Variants in CBLB observed in about 807,000 individuals in gnomAD.
The protein encoded by CBLB is E3 ubiquitin-protein ligase CBL-B.
CBLB carries 31 observed loss-of-function variants against 104.9 expected under a neutral mutation model. The ratio of observed to expected loss-of-function variants is 0.30; its 90% CI spans 0.22 to 0.40. The LOEUF (loss-of-function observed/expected upper bound fraction) is 0.40, where lower values mean the gene tolerates loss of function less well. Ranked by LOEUF, CBLB falls within the 10% of genes least tolerant of loss-of-function variation. The pLI is 1.00. For missense variants in CBLB, 1,062 were observed against 1,214.6 expected, an observed-to-expected ratio of 0.87 and a Z score of 1.87; for synonymous variants, 440 against 422.6, an observed-to-expected ratio of 1.04 and a Z score of -0.51.
intron 3 of CBLB, among the ~76,000 whole-genome samples, chr3:105,788,123 A>G (rs1256853943): frequency 6.6e-6 from 1 of 152,112 alleles, no homozygotes; most frequent in Non-Finnish European, 1.5e-5. Flanking sequence ...CTTTCATATC[A>G]CCCAACAACT....
rs751746381 is a variant in CBLB, at chr3:105,693,549, C to T, written c.1999G>A (p.Val667Ile). The T allele has an allele frequency of 1.2e-6, 2 of 1,612,572 alleles. No homozygotes were observed. The highest frequency in any genetic ancestry group is 1.7e-6 in the Non-Finnish European group (2 of 1,178,850). The change falls in exon 13 of 19, where the codon GTT becomes ATT. Residue 667 changes from valine (V) to isoleucine (I), a missense_variant. Physicochemically the swap from Val to Ile is conservative, Grantham distance 29 (BLOSUM62 3). Around this residue, in one of 2 missense-constraint regions of CBLB, gnomAD observed 605 missense variants for 582.6 expected, o/e 1.04. Coordinates refer to ENST00000394030, the MANE Select transcript of CBLB (RefSeq NM_170662.5). ...GGAGGAGGAGAAAGCCGGGGAGGAACATCATATTCTTCACTTCCAAGGTGA... is the reference window on the plus strand; with the variant it reads ...GGAGGAGGAGAAAGCCGGGGAGGAATATCATATTCTTCACTTCCAAGGTGA... ...NGHLGSEEYDVPPRLSPPPPV... is the reference protein window; with the variant it reads ...NGHLGSEEYDIPPRLSPPPPV...
At chr3:105,688,069 T>C (rs1457739162) in intron 13 of CBLB, among the ~76,000 whole-genome samples, 2 of 152,066 alleles carry the variant, frequency 1.3e-5, no homozygotes, top group African/African-American at 2.4e-5. Flanking sequence ...TATGTGACAT[T>C]TGGCAGTAGA....
intron 3 of CBLB, among the ~76,000 whole-genome samples, chr3:105,808,482 G>C (rs1468251699): frequency 6.6e-6 from 1 of 152,108 alleles, no homozygotes; most frequent in Non-Finnish European, 1.5e-5. Flanking sequence ...CTTTATGCCA[G>C]TTTCATGCTG....
chr3:105,760,833 AAAC>A (rs2077550193), intron 4 of CBLB, among the ~76,000 whole-genome samples: 1 of 152,244 alleles, frequency 6.6e-6, no homozygotes. Context: ...CCTTTTAATA[AAAC>A]TACTGATATT....
At chr3:105,730,555 A>G (rs956908364) in intron 9 of CBLB, among the ~76,000 whole-genome samples, 5 of 152,106 alleles carry the variant, frequency 3.3e-5, no homozygotes, top group Admixed American at 2.6e-4. Context: ...AAAATAGGTA[A>G]AGTAATCCAC....
At chr3:105,855,823 C>T (rs2091532144) in intron 2 of CBLB, among the ~76,000 whole-genome samples, 1 of 152,156 alleles carries the variant, frequency 6.6e-6, no homozygotes, top group South Asian at 2.1e-4. Context: ...AAAAAAAATT[C>T]ACTTTCATAA....
At chr3:105,837,656 A>C (rs1463500720) in intron 3 of CBLB, among the ~76,000 whole-genome samples, 1 of 152,234 alleles carries the variant, frequency 6.6e-6, no homozygotes, top group Non-Finnish European at 1.5e-5. Context: ...AACTTTGTCC[A>C]AGAATGTTAT....
At chr3:105,832,791 G>C (rs2087767786) in intron 3 of CBLB, among the ~76,000 whole-genome samples, 1 of 152,174 alleles carries the variant, frequency 6.6e-6, no homozygotes, top group South Asian at 2.1e-4. Context: ...TCTGTATTGA[G>C]TACCTACACC....
chr3:105,868,232 A>C (rs192155212), intron 1 of CBLB: 2 of 1,232,284 alleles, frequency 1.6e-6, no homozygotes, highest in African/African-American at 3.1e-5. Context: ...ACACACAAAT[A>C]GCCCATTTGA....
At chr3:105,664,971 A>ACAAC (rs1277435942) in intron 18 of CBLB, among the ~76,000 whole-genome samples, 1 of 152,216 alleles carries the variant, frequency 6.6e-6, no homozygotes, top group African/African-American at 2.4e-5. Flanking sequence ...TGATGGGATA[A>ACAAC]CAACATAAAC....
In CBLB at chr3:105,740,354, CA is replaced by C. The variant is rs1466014645; in HGVS notation, c.983+139del. ...TAAAATGATTATATAAAAAGATGAACAAAAAACTAAGGAACATCCATTATTT... is the reference window on the plus strand; with the variant it reads ...TAAAATGATTATATAAAAAGATGAACAAAAACTAAGGAACATCCATTATTT... On this transcript the variant is annotated intron_variant, in intron 7 of 18. Transcript: ENST00000394030. 26 of 832,336 alleles carry C rather than the reference CA, an allele frequency of 3.1e-5. No homozygotes were observed. In the East Asian group the frequency reaches 6.2e-4, roughly 20 times the overall value. 51.6% of individuals were successfully genotyped at this position (832,336 alleles called of 1,614,324 possible). A position where few individuals can be genotyped will look rare whatever the true frequency, so the allele number is the denominator to read the frequency against.
intron 4 of CBLB, among the ~76,000 whole-genome samples, chr3:105,771,519 G>T (rs990289486): frequency 1.3e-5 from 2 of 151,956 alleles, no homozygotes; most frequent in Non-Finnish European, 2.9e-5. Flanking sequence ...CCCAGTACTG[G>T]AAGTCACAGC....
At chr3:105,782,574 TTTTC>T (rs2080397946) in intron 3 of CBLB, among the ~76,000 whole-genome samples, 2 of 136,852 alleles carry the variant, frequency 1.5e-5, no homozygotes, top group Non-Finnish European at 1.6e-5. Flanking sequence ...TATTCTTTTC[TTTTC>T]TTTTTTTTTT....
In CBLB at chr3:105,745,935, T is replaced by C. The variant is rs750585084; in HGVS notation, c.827A>G (p.Tyr276Cys). 6.2e-7 allele frequency: 1 copy of C among 1,612,214 alleles called. No individual in the cohort carries two copies. The highest frequency in any genetic ancestry group is 8.5e-7 in the Non-Finnish European group (1 of 1,178,324). ...YDEVKARLQK[Y>C]STKPGSYIFR... ...GTCTTACCTTCCGGGTTTGGTGCTA[T>C]ATTTCTGTAGTCGTGCTTTAACTTC... Residue 276 changes from tyrosine to cysteine, a missense_variant, in exon 6 of 19, where the codon TAT (tyrosine) becomes TGT (cysteine). Physicochemically the swap from Tyr to Cys is radical, Grantham distance 194. Coordinates refer to ENST00000394030, the MANE Select transcript of CBLB (RefSeq NM_170662.5).
chr3:105,854,285 C>T (rs2091316562), intron 2 of CBLB, among the ~76,000 whole-genome samples: 1 of 152,206 alleles, frequency 6.6e-6, no homozygotes, highest in African/African-American at 2.4e-5. Flanking sequence ...TGCTGCCCAA[C>T]CACTGGGGCG....
At chr3:105,811,241 T>C (rs2084253224) in intron 3 of CBLB, among the ~76,000 whole-genome samples, 1 of 152,204 alleles carries the variant, frequency 6.6e-6, no homozygotes, top group Admixed American at 6.5e-5. Flanking sequence ...TAAACACAGT[T>C]AGCTAAAAGG....
At chr3:105,839,229 G>C (rs1414690368) in intron 3 of CBLB, among the ~76,000 whole-genome samples, 1 of 152,106 alleles carries the variant, frequency 6.6e-6, no homozygotes, top group Admixed American at 6.5e-5. Context: ...GAATGCATCT[G>C]ATCCATGGAA....
At chr3:105,803,286 G>C (rs1347435768) in intron 3 of CBLB, among the ~76,000 whole-genome samples, 1 of 152,156 alleles carries the variant, frequency 6.6e-6, no homozygotes, top group Admixed American at 6.5e-5. Flanking sequence ...TTTTAGAAGA[G>C]AGGCTGTGAA....
At chr3:105,674,116 G>T (rs370055804) in intron 17 of CBLB, 1 of 152,160 alleles carries the variant, frequency 6.6e-6, no homozygotes, top group South Asian at 2.1e-4. Flanking sequence ...TTGTGAATCC[G>T]GAGAACACAA....
Sources: gnomAD v4.1 joint callset for allele counts (sites outside exome capture counted in the v4.1 genomes callset) on GRCh38, gnomAD v4.1.1 for gene constraint, gnomAD v4.1.1 regional missense constraint, MANE v1.5 for transcripts, NCBI Gene and HGNC (gene_info 2026-07-23, HGNC 2026-07-21) for gene names.